The following ANKRD28 variants were observed in gnomAD, a reference collection of about 807,000 sequenced individuals.
The protein encoded by ANKRD28 is ankyrin repeat domain 28.
A neutral mutation model predicts 126.5 loss-of-function variants in ANKRD28; 44 were observed. That is an observed-to-expected ratio of 0.35 (90% CI 0.27 to 0.45). ANKRD28 has a LOEUF of 0.45. ANKRD28 is among the 20% of genes least tolerant of loss of function. The probability of loss-of-function intolerance (pLI) is 1.00; values close to 1 mark genes in which losing one functional copy is unlikely to be tolerated. For synonymous variants in ANKRD28, 442 were observed against 468.5 expected (o/e 0.94, Z 0.73); for missense variants, 1,110 against 1,316.6 (o/e 0.84, Z 2.43).
At chr3:15,850,263 A>AGAGAGAGAGAGAGAGAGAGAGAGAG (rs1282754856) in intron 1 of ANKRD28, among the ~76,000 whole-genome samples, 2 of 139,716 alleles carry the variant, frequency 1.4e-5, no homozygotes, top group Non-Finnish European at 3.1e-5. Flanking sequence ...AGAGAGAGAG[A>AGAGAGAGAGAGAGAGAGAGAGAGAG]AAGTTGAAAT....
intron 7 of ANKRD28, among the ~76,000 whole-genome samples, chr3:15,724,139 T>C (rs909508757): frequency 2.6e-5 from 4 of 152,220 alleles, no homozygotes; most frequent in Admixed American, 6.5e-5. Context: ...GAACGTGATA[T>C]AGAAGAAAAA....
At chr3:15,790,044 T>C (rs559855275) in intron 2 of ANKRD28, among the ~76,000 whole-genome samples, 8 of 152,172 alleles carry the variant, frequency 5.3e-5, no homozygotes, top group African/African-American at 9.6e-5. Context: ...CTGGAAAATA[T>C]AGAAGAAATG....
intron 2 of ANKRD28, among the ~76,000 whole-genome samples, chr3:15,776,682 C>T (rs1285528433): frequency 2.6e-5 from 4 of 152,152 alleles, no homozygotes; most frequent in Admixed American, 2.6e-4. Flanking sequence ...TAATGATGTT[C>T]TGTTTTCTGA....
rs551234460 is a variant in ANKRD28 at position 15,737,092 on chromosome 3, C to G, written c.493G>C (p.Val165Leu). The G allele has an allele frequency of 6.2e-7, 1 of 1,613,946 alleles. No individual in the cohort carries two copies. The highest frequency in any genetic ancestry group is 8.5e-7 in the Non-Finnish European group (1 of 1,179,878). ...GCAGTCCTCCCTGCTCGATCAGATA[C>G]GTTTACATTACTCAGAAGAGGTACC... is the stretch of plus-strand genomic sequence containing the variant. ...ALVPLLSNVN[V>L]SDRAGRTALH... The change falls in exon 5 of 28, where the codon GTA (valine) becomes CTA (leucine). Residue 165 changes from valine (V) to leucine (L), a missense_variant. Coordinates refer to ENST00000683139, the MANE Select transcript of ANKRD28 (RefSeq NM_001349278.2).
intron 1 of ANKRD28, among the ~76,000 whole-genome samples, chr3:15,832,875 A>C (rs1408707137): frequency 6.6e-6 from 1 of 152,238 alleles, no homozygotes; most frequent in African/African-American, 2.4e-5. Flanking sequence ...TACGGTGAAT[A>C]GCGCTGCAAT....
Position 15,749,101 on chromosome 3 carries a change from G to GTTTTTTT in ANKRD28, c.351+2642_351+2648dup, listed in dbSNP as rs869266246. 2.3e-3 allele frequency among the ~76,000 whole-genome samples: 120 copies of GTTTTTTT among 53,028 alleles called. 4 individuals are homozygous for GTTTTTTT. The highest frequency in any genetic ancestry group is 7.9e-3 in the East Asian group (12 of 1,520). 34.8% of individuals were successfully genotyped at this position (53,028 alleles called of 152,430 possible). ...CTTTCATATTCTATATTATGTTTTTGTTTTTTTTTTTTTTTTTTTTGAGAC... is the reference window on the plus strand; with the variant it reads ...CTTTCATATTCTATATTATGTTTTTGTTTTTTTTTTTTTTTTTTTTTTTTTTTGAGAC... On this transcript the variant is annotated intron_variant, in intron 4 of 27. Coordinates refer to ENST00000683139, the MANE Select transcript of ANKRD28 (RefSeq NM_001349278.2).
intron 2 of ANKRD28, among the ~76,000 whole-genome samples, chr3:15,775,394 G>A (rs2059213549): frequency 2.0e-5 from 3 of 152,206 alleles, no homozygotes; most frequent in South Asian, 4.1e-4. Context: ...GCAATTCCCC[G>A]GAGGACACCA....
intron 27 of ANKRD28, among the ~76,000 whole-genome samples, chr3:15,674,286 G>A (rs1157503039): frequency 6.6e-6 from 1 of 151,274 alleles, no homozygotes; most frequent in Non-Finnish European, 1.5e-5. Context: ...AAAAAAGTGG[G>A]CATACTTTAG....
chr3:15,701,280 TATTC>T (rs1230683281), intron 14 of ANKRD28, among the ~76,000 whole-genome samples: 1 of 152,188 alleles, frequency 6.6e-6, no homozygotes, highest in East Asian at 1.9e-4. Context: ...TGGCAGCAAA[TATTC>T]ATCCATTTAA....
rs2061159461 is a variant in ANKRD28 at position 15,830,223 on chromosome 3, T to C, written c.27+29154A>G. Among the ~76,000 whole-genome samples, 1 of 152,160 alleles carries C rather than the reference T, an allele frequency of 6.6e-6. No individual in the cohort carries two copies. The highest frequency in any genetic ancestry group is 2.4e-5 in the African/African-American group (1 of 41,432). Reference sequence around the variant, plus strand: ...CGAATGTCGAAGTAAAAAACGCATATAACATTTTATTATTATGATAACAGT... The same window carrying C: ...CGAATGTCGAAGTAAAAAACGCATACAACATTTTATTATTATGATAACAGT... On this transcript the variant is annotated intron_variant, in intron 1 of 27. Transcript: ENST00000399451. The surrounding 1 kb of genome is among the most constrained non-coding windows in gnomAD (Gnocchi z 4.5).
intron 1 of ANKRD28, among the ~76,000 whole-genome samples, chr3:15,810,955 T>C (rs1447879033): frequency 6.6e-6 from 1 of 152,172 alleles, no homozygotes; most frequent in Non-Finnish European, 1.5e-5. Flanking sequence ...AAGCCTACTG[T>C]GAGTGACTTT....
chr3:15,788,385 A>G (rs918761108), intron 2 of ANKRD28, among the ~76,000 whole-genome samples: 1 of 152,070 alleles, frequency 6.6e-6, no homozygotes, highest in Non-Finnish European at 1.5e-5. Context: ...AATATGCTTT[A>G]TTTCTCCAGT....
intron 6 of ANKRD28, among the ~76,000 whole-genome samples, chr3:15,727,946 A>G (rs1393258847): frequency 6.6e-6 from 1 of 152,206 alleles, no homozygotes; most frequent in Non-Finnish European, 1.5e-5. Context: ...TTTGAAGGAA[A>G]TTCTACTGTG....
intron 3 of ANKRD28, among the ~76,000 whole-genome samples, chr3:15,752,338 A>G (rs1346515547): frequency 2.6e-5 from 4 of 152,214 alleles, no homozygotes; most frequent in Non-Finnish European, 5.9e-5. Context: ...AAAATAATTG[A>G]GAAAGAAATG....
At chr3:15,829,494 ACTT>A (rs2061143490) in intron 1 of ANKRD28, among the ~76,000 whole-genome samples, 1 of 152,202 alleles carries the variant, frequency 6.6e-6, no homozygotes, top group African/African-American at 2.4e-5. Flanking sequence ...AGCTTTTAGT[ACTT>A]TTTTCACATT....
At chr3:15,732,044 G>A (rs1306555014) in intron 6 of ANKRD28, 2 of 152,260 alleles carry the variant, frequency 1.3e-5, no homozygotes, top group Non-Finnish European at 2.9e-5. Context: ...ATGCAAGTGT[G>A]ATGGGAGAAA....
chr3:15,726,392 T>C (rs2125016026), intron 6 of ANKRD28, among the ~76,000 whole-genome samples: 1 of 152,322 alleles, frequency 6.6e-6, no homozygotes, highest in South Asian at 2.1e-4. Context: ...GAAAGATAAG[T>C]GGCCTTACTG....
rs971330244 is a variant in ANKRD28 at position 15,845,012 on chromosome 3, G to C, written c.27+14365C>G. Reference sequence around the variant, plus strand: ...GAAGCAGGCATATCTTACATGGCTGGAGCAGGAGCAAAATGGGGACACGGG... The same window carrying C: ...GAAGCAGGCATATCTTACATGGCTGCAGCAGGAGCAAAATGGGGACACGGG... On this transcript the variant is annotated intron_variant, in intron 1 of 27. Coordinates refer to the ANKRD28 transcript ENST00000399451. This position sits in a 1 kb window ranked among gnomAD's most constrained non-coding sequence, Gnocchi z 4.9. Among the ~76,000 whole-genome samples the C allele has an allele frequency of 1.3e-5, 2 of 152,106 alleles. No individual in the cohort carries two copies. Among genetic ancestry groups the C allele is most frequent in the Non-Finnish European group, 2.9e-5 (2 of 68,028 alleles).
intron 6 of ANKRD28, among the ~76,000 whole-genome samples, chr3:15,734,698 G>A (rs955225740): frequency 5.9e-5 from 9 of 152,132 alleles, no homozygotes; most frequent in African/African-American, 1.4e-4. Context: ...TACCTTCCTC[G>A]GCAGTTTTAG....
Sources: gnomAD v4.1 joint callset for allele counts (sites outside exome capture counted in the v4.1 genomes callset) on GRCh38, gnomAD v4.1.1 for gene constraint, Gnocchi (gnomAD v3.1) non-coding constraint, MANE v1.5 for transcripts, NCBI Gene and HGNC (gene_info 2026-07-23, HGNC 2026-07-21) for gene names.